Variants in THSD7B observed in about 807,000 individuals in gnomAD.
The protein encoded by THSD7B is thrombospondin type-1 domain-containing protein 7B.
Under a neutral mutation model 213.6 loss-of-function variants are expected in THSD7B, and 138 were observed. The observed-to-expected ratio is 0.65, with a 90% CI of 0.56 to 0.74. The LOEUF (loss-of-function observed/expected upper bound fraction) is 0.74. Ranked by LOEUF, THSD7B falls within the 30% of genes least tolerant of loss-of-function variation. The pLI is 0.00. For synonymous variants in THSD7B, 742 were observed against 687.0 expected (o/e 1.08, Z -1.25); for missense variants, 1,931 against 1,991.5 (o/e 0.97, Z 0.58).
At chr2:136,794,665 C>A (rs1488391048) in intron 1 of THSD7B, among the ~76,000 whole-genome samples, 1 of 151,864 alleles carries the variant, frequency 6.6e-6, no homozygotes, top group East Asian at 1.9e-4. Context: ...GTGGATTCTG[C>A]AGTTGTTGAG....
intron 2 of THSD7B, among the ~76,000 whole-genome samples, chr2:137,026,065 C>A (rs188101494): frequency 7.2e-5 from 11 of 152,188 alleles, no homozygotes; most frequent in Non-Finnish European, 1.3e-4. Flanking sequence ...TTCTTGTATT[C>A]TGATCATTCA....
chr2:137,486,963 A>G (rs1688461442), intron 15 of THSD7B, among the ~76,000 whole-genome samples: 1 of 152,200 alleles, frequency 6.6e-6, no homozygotes, highest in South Asian at 2.1e-4. Flanking sequence ...AAGCCACAAC[A>G]TACCAGAATC....
intron 1 of THSD7B, among the ~76,000 whole-genome samples, chr2:136,771,182 C>A (rs1231774992): frequency 6.6e-6 from 1 of 152,038 alleles, no homozygotes; most frequent in East Asian, 1.9e-4. Context: ...ATATTGACTT[C>A]CATTCACTTT....
chr2:136,852,304 C>CAAACAAAACAAAACA (rs70975718), intron 1 of THSD7B, among the ~76,000 whole-genome samples: 164 of 148,750 alleles, frequency 1.1e-3, no homozygotes, highest in Middle Eastern at 6.8e-3. Context: ...TGAAAGCTGG[C>CAAACAAAACAAAACA]AAACAAAACA....
intron 12 of THSD7B, among the ~76,000 whole-genome samples, chr2:137,366,555 C>T (rs187638127): frequency 3.3e-5 from 5 of 151,696 alleles, no homozygotes; most frequent in Admixed American, 6.6e-5. Context: ...TTTCTCCTTC[C>T]ATCCCCTTCT....
chr2:137,298,708 G>C (rs995707983), intron 12 of THSD7B, among the ~76,000 whole-genome samples: 1 of 152,194 alleles, frequency 6.6e-6, no homozygotes, highest in Non-Finnish European at 1.5e-5. Context: ...AGCTCAGGCT[G>C]TGCCTTCAGA....
chr2:137,444,342 A>G (rs1318486734), intron 14 of THSD7B, among the ~76,000 whole-genome samples: 1 of 152,068 alleles, frequency 6.6e-6, no homozygotes, highest in Non-Finnish European at 1.5e-5. Flanking sequence ...TCCTTTCTTC[A>G]TAACAATGGC....
chr2:137,471,825 A>T (rs1357059430), intron 15 of THSD7B, among the ~76,000 whole-genome samples: 1 of 152,076 alleles, frequency 6.6e-6, no homozygotes, highest in African/African-American at 2.4e-5. Flanking sequence ...GGGTCAGAAA[A>T]TGTTCTTCTG....
At chr2:137,578,643 C>T (rs1322204788) in intron 17 of THSD7B, among the ~76,000 whole-genome samples, 2 of 152,132 alleles carry the variant, frequency 1.3e-5, no homozygotes, top group South Asian at 2.1e-4. Flanking sequence ...TCAACACATT[C>T]GAATGGAAGA....
intron 10 of THSD7B, among the ~76,000 whole-genome samples, chr2:137,271,905 T>G (rs1682747667): frequency 6.6e-6 from 1 of 152,132 alleles, no homozygotes; most frequent in South Asian, 2.1e-4. Context: ...TCAGTTGTTT[T>G]TTAATTGATG....
At chr2:136,899,825 T>G (rs1252697485) in intron 2 of THSD7B, among the ~76,000 whole-genome samples, 1 of 152,226 alleles carries the variant, frequency 6.6e-6, no homozygotes. Context: ...AAATGAAGTA[T>G]AAGTTCTAAA....
chr2:137,086,413 C>T (rs1687843256), intron 3 of THSD7B, among the ~76,000 whole-genome samples: 1 of 152,074 alleles, frequency 6.6e-6, no homozygotes, highest in Non-Finnish European at 1.5e-5. Context: ...TTCTATCTGC[C>T]CACACCCCTT....
In THSD7B at chr2:137,523,442, T is replaced by C. The variant is rs1193494020; in HGVS notation, c.3139-39779T>C. Among the ~76,000 whole-genome samples the C allele has an allele frequency of 2.6e-5, 4 of 152,188 alleles. No individual in the cohort carries two copies. The East Asian group carries it at 5.8e-4, about 22-fold the overall frequency. ...TTTCTTGGGACATTCTGTTACTTTG[T>C]GTATTCATACAGAAAAGGAAGGGAA... is the stretch of plus-strand genomic sequence containing the variant. On this transcript the variant is annotated intron_variant, in intron 15 of 27. Transcript: ENST00000409968.
chr2:136,846,388 AAATGTGATCATTTTGTTCATT>A (rs1683011039), intron 1 of THSD7B, among the ~76,000 whole-genome samples: 1 of 152,202 alleles, frequency 6.6e-6, no homozygotes, highest in Non-Finnish European at 1.5e-5. Context: ...CATAACTAGG[AAATGTGATCATTTTGTTCATT>A]AAAGAAATGA....
At chr2:137,082,415 A>G (rs1687763034) in intron 3 of THSD7B, among the ~76,000 whole-genome samples, 1 of 152,116 alleles carries the variant, frequency 6.6e-6, no homozygotes, top group Non-Finnish European at 1.5e-5. Flanking sequence ...AGAGGGGAAT[A>G]TCAAACTCAG....
intron 2 of THSD7B, among the ~76,000 whole-genome samples, chr2:137,015,855 T>C (rs1558887887): frequency 6.6e-6 from 1 of 152,178 alleles, no homozygotes; most frequent in African/African-American, 2.4e-5. Context: ...TTGCAGAACC[T>C]GAACCGGTGG....
At chr2:137,649,994 C>CG (rs898511111) in intron 21 of THSD7B, among the ~76,000 whole-genome samples, 21 of 151,798 alleles carry the variant, frequency 1.4e-4, no homozygotes, top group African/African-American at 4.6e-4. Context: ...CCCAGATACT[C>CG]GGGGGGCTAA....
At chr2:137,322,904 T>A (rs1218489748) in intron 12 of THSD7B, among the ~76,000 whole-genome samples, 1 of 152,174 alleles carries the variant, frequency 6.6e-6, no homozygotes, top group African/African-American at 2.4e-5. Context: ...GAGGATATTA[T>A]CTCTGTCATA....
intron 15 of THSD7B, among the ~76,000 whole-genome samples, chr2:137,546,400 T>TA (rs1680718965): frequency 2.3e-5 from 1 of 42,920 alleles, no homozygotes; most frequent in African/African-American, 1.5e-4. Context: ...ATATATTATA[T>TA]ATATTATATA....
Sources: gnomAD v4.1 joint callset for allele counts (sites outside exome capture counted in the v4.1 genomes callset) on GRCh38, gnomAD v4.1.1 for gene constraint, MANE v1.5 for transcripts, NCBI Gene and HGNC (gene_info 2026-07-23, HGNC 2026-07-21) for gene names.